PCDHA3: variants seen among roughly 807,000 people sequenced by gnomAD.
PCDHA3 encodes protocadherin alpha-3.
Under a neutral mutation model 62.2 loss-of-function variants are expected in PCDHA3, and 41 were observed. That is an observed-to-expected ratio of 0.66 (90% confidence interval 0.51 to 0.86). The LOEUF (loss-of-function observed/expected upper bound fraction) is 0.86, where lower values mean the gene tolerates loss of function less well. Ranked by LOEUF, PCDHA3 falls within the 40% of genes least tolerant of loss-of-function variation. The pLI is 0.00. For synonymous variants in PCDHA3, 640 were observed against 555.4 expected, an observed-to-expected ratio of 1.15 and a Z score of -2.14; for missense variants, 1,304 against 1,241.2, an observed-to-expected ratio of 1.05 and a Z score of -0.76.
In PCDHA3 at chr5:140,801,944, C is replaced by T. The variant is rs782586334; in HGVS notation, c.747C>T (p.Val249=). 6.2e-7 allele frequency: 1 copy of T among 1,614,178 alleles called. No individual in the cohort carries two copies. The highest frequency in any genetic ancestry group is 1.1e-5 in the South Asian group (1 of 91,070). ...CGTTTGAGAGGACGATCTATAAAGT[C>T]AGATTACTCGAAAATGCACCAAATG... ...APAFERTIYK[V]RLLENAPNGT... The change falls in exon 1 of 4, where the codon GTC becomes GTT. Residue 249 remains valine, a synonymous_variant. Coordinates refer to ENST00000522353, the MANE Select transcript of PCDHA3 (RefSeq NM_018906.3).
At chr5:140,883,959 C>T (rs782366148) in intron 1 of PCDHA3, 4 of 1,613,092 alleles carry the variant, frequency 2.5e-6, no homozygotes, top group Admixed American at 3.3e-5. Context: ...AACGCTCCGG[C>T]GCTGCTGACG....
chr5:140,802,691 G>C lies in PCDHA3; in HGVS notation c.1494G>C (p.Arg498=), dbSNP rs1554122285. The C allele has an allele frequency of 1.9e-6, 3 of 1,612,968 alleles. No individual in the cohort carries two copies. The highest frequency in any genetic ancestry group is 1.7e-5 in the Admixed American group (1 of 60,014). ...ALVSYSLVER[R]VGERALSSYV... ...TGTCCTACTCGCTGGTGGAACGGCGGGTGGGGGAGCGCGCGCTGTCGAGCT... is the reference window on the plus strand; with the variant it reads ...TGTCCTACTCGCTGGTGGAACGGCGCGTGGGGGAGCGCGCGCTGTCGAGCT... Residue 498 remains arginine, a synonymous_variant, in exon 1 of 4, where the codon CGG becomes CGC. Coordinates refer to ENST00000522353, the MANE Select transcript of PCDHA3 (RefSeq NM_018906.3).
chr5:140,883,532 G>C, intron 1 of PCDHA3: 2 of 1,614,220 alleles, frequency 1.2e-6, no homozygotes, highest in Non-Finnish European at 1.7e-6. Context: ...ATCAGCCTAT[G>C]AACTGGTGGT....
intron 1 of PCDHA3, chr5:140,808,622 G>A (rs1257156985): frequency 6.2e-7 from 1 of 1,613,710 alleles, no homozygotes; most frequent in Non-Finnish European, 8.5e-7. Flanking sequence ...CACTGTGTCT[G>A]CGTGGGACGC....
chr5:140,852,099 AT>A, intron 1 of PCDHA3: 1 of 909,604 alleles, frequency 1.1e-6, no homozygotes, highest in Non-Finnish European at 1.3e-6. Flanking sequence ...TGTGTCAGAT[AT>A]TTTACAAGGT....
chr5:140,817,804 C>T (rs2150099186), intron 1 of PCDHA3, among the ~76,000 whole-genome samples: 1,550 of 152,176 alleles, frequency 0.01, 30 homozygotes, highest in African/African-American at 0.036. Flanking sequence ...GAAACCTTTA[C>T]GTTTTTATAT....
At chr5:140,803,815 T>C (rs1763285750) in intron 1 of PCDHA3, 2 of 692,658 alleles carry the variant, frequency 2.9e-6, no homozygotes, top group Non-Finnish European at 4.7e-6. Flanking sequence ...TTTGTTTTGT[T>C]ATTAGGTGCA....
chr5:140,869,219 C>A (rs543814850), intron 1 of PCDHA3: 1 of 1,613,836 alleles, frequency 6.2e-7, no homozygotes, highest in African/African-American at 1.3e-5. Context: ...TCGGAGGAGG[C>A]CAAACACGGC....
chr5:140,922,926 T>C (rs1476173998), intron 1 of PCDHA3, among the ~76,000 whole-genome samples: 2 of 152,222 alleles, frequency 1.3e-5, no homozygotes, highest in African/African-American at 4.8e-5. Context: ...CTTCAGACTT[T>C]TACTTCCAGC....
chr5:140,960,849 A>G (rs1347970743), intron 1 of PCDHA3, among the ~76,000 whole-genome samples: 10 of 152,220 alleles, frequency 6.6e-5, no homozygotes, highest in African/African-American at 2.2e-4. Context: ...TTTAATGGCA[A>G]CTATAAGCCA....
chr5:140,987,228 TAATA>T (rs1459014222), intron 3 of PCDHA3, among the ~76,000 whole-genome samples: 2 of 149,038 alleles, frequency 1.3e-5, no homozygotes, highest in Non-Finnish European at 3.0e-5. Flanking sequence ...AAAAAAAAAA[TAATA>T]AATAAAGAAA....
chr5:140,939,613 A>T (rs2092423002), intron 1 of PCDHA3, among the ~76,000 whole-genome samples: 1 of 152,232 alleles, frequency 6.6e-6, no homozygotes, highest in African/African-American at 2.4e-5. Context: ...CAGAACAAGG[A>T]GACAAAAGAA....
chr5:140,823,864 G>A (rs1317473064), intron 1 of PCDHA3: 3 of 1,613,884 alleles, frequency 1.9e-6, no homozygotes, highest in African/African-American at 1.3e-5. Flanking sequence ...GGATGTCAAC[G>A]TGTACCTGAT....
chr5:140,970,270 T>C (rs2096394574), intron 1 of PCDHA3, among the ~76,000 whole-genome samples: 1 of 152,234 alleles, frequency 6.6e-6, no homozygotes, highest in Non-Finnish European at 1.5e-5. Context: ...TTTGATGAGA[T>C]GTAAAGTAGC....
intron 1 of PCDHA3, chr5:140,884,245 G>A: frequency 6.2e-7 from 1 of 1,613,462 alleles, no homozygotes; most frequent in Non-Finnish European, 8.5e-7. Context: ...AGCCCGCGCT[G>A]ACGGCCACGG....
At chr5:140,994,451 C>T (rs782287082) in intron 3 of PCDHA3, among the ~76,000 whole-genome samples, 14 of 152,116 alleles carry the variant, frequency 9.2e-5, no homozygotes, top group Non-Finnish European at 1.6e-4. Flanking sequence ...ACCTGTGATC[C>T]CAGCACTTTG....
At chr5:140,906,982 G>A (rs1298159889) in intron 1 of PCDHA3, among the ~76,000 whole-genome samples, 3 of 152,140 alleles carry the variant, frequency 2.0e-5, no homozygotes, top group African/African-American at 7.2e-5. Flanking sequence ...TCTTCTGGTG[G>A]CAGCATTCCT....
Position 141,006,215 on chromosome 5 carries a change from T to A in PCDHA3, c.2543-3412T>A, listed in dbSNP as rs530559800. Among the ~76,000 whole-genome samples, 194 of 151,754 alleles carry A rather than the reference T, an allele frequency of 1.3e-3. 2 individuals carry two copies. The highest frequency in any genetic ancestry group is 4.2e-3 in the African/African-American group (174 of 41,396). ...ATGTATGTTATGCCTCATTTTTTTT[T>A]AAATTTTTTATTTTTAGATGGAGTC... On this transcript the variant is annotated intron_variant, in intron 3 of 3. Coordinates refer to ENST00000522353, the MANE Select transcript of PCDHA3 (RefSeq NM_018906.3).
intron 1 of PCDHA3, among the ~76,000 whole-genome samples, chr5:140,906,117 C>A (rs1554192403): frequency 6.6e-6 from 1 of 152,180 alleles, no homozygotes; most frequent in Non-Finnish European, 1.5e-5. Flanking sequence ...AGTCCACTGA[C>A]ACAAATGTTA....
Sources: gnomAD v4.1 joint callset for allele counts (sites outside exome capture counted in the v4.1 genomes callset) on GRCh38, gnomAD v4.1.1 for gene constraint, MANE v1.5 for transcripts, NCBI Gene and HGNC (gene_info 2026-07-23, HGNC 2026-07-21) for gene names.